RUBCN: variants seen among roughly 807,000 people sequenced by gnomAD.
RUBCN encodes the protein run domain Beclin-1-interacting and cysteine-rich domain-containing protein.
RUBCN carries 74 observed loss-of-function variants against 113.2 expected under a neutral mutation model. The observed-to-expected ratio is 0.65, with a 90% CI of 0.54 to 0.79. RUBCN has a LOEUF of 0.79. Among genes scored for constraint, RUBCN ranks in the 30% least tolerant of loss-of-function variants. RUBCN has a pLI of 0.00. For missense variants in RUBCN, 1,109 were observed against 1,251.7 expected (o/e 0.89, Z 1.72); for synonymous variants, 480 against 490.0 (o/e 0.98, Z 0.27).
chr3:197,704,500 A>G, intron 4 of RUBCN, 42 bp downstream of exon 4: 1 of 1,594,326 alleles, frequency 6.3e-7, no homozygotes, highest in South Asian at 1.1e-5. Context: ...GTGGGTGACA[A>G]CGAGGAAGCA....
At chr3:197,749,714 C>T (rs1000046794), upstream of RUBCN, 4 of 631,840 alleles carry the variant, frequency 6.3e-6, no homozygotes, top group South Asian at 1.5e-5. Flanking sequence ...CGGCGGTCCT[C>T]GCGAGCGCCT....
In RUBCN at chr3:197,717,250, T is replaced by C. The variant is rs183697337; in HGVS notation, c.219+727A>G. 3.9e-3 allele frequency among the ~76,000 whole-genome samples: 597 copies of C among 151,732 alleles called. 7 individuals carry two copies. The highest frequency in any genetic ancestry group is 4.7e-3 in the Non-Finnish European group (321 of 67,926). On this transcript the variant is annotated intron_variant, in intron 2 of 19. Transcript: ENST00000296343. ...GAGATTGAGACCACTGAGACCATCCTGGCTAACACGGTGAAACCCCGTCTC... is the reference window on the plus strand; with the variant it reads ...GAGATTGAGACCACTGAGACCATCCCGGCTAACACGGTGAAACCCCGTCTC...
intron 2 of RUBCN, among the ~76,000 whole-genome samples, chr3:197,706,255 G>C (rs1282577529): frequency 6.6e-6 from 1 of 152,178 alleles, no homozygotes; most frequent in African/African-American, 2.4e-5. Context: ...CGCTGGGACA[G>C]GCCTCAACAT....
At position 197,689,825 on chromosome 3, in the gene RUBCN, T is replaced by G. The variant is rs1722229298; in HGVS notation, c.1786+3890A>C. Among the ~76,000 whole-genome samples the G allele has an allele frequency of 2.0e-5, 3 of 152,228 alleles. No homozygotes were observed. In the South Asian group the frequency reaches 6.2e-4, roughly 31 times the overall value. ...ATCATTTCTCTGTGTTGGGAATACT[T>G]CGAATCTCTTCTAGCTATTTTGAAA... On this transcript the variant is annotated intron_variant, in intron 11 of 19. Transcript: ENST00000296343.
rs769477769 is a variant in RUBCN at position 197,681,328 on chromosome 3, T to C, written c.2231A>G (p.Lys744Arg). 2 of 1,614,114 alleles carry C rather than the reference T, an allele frequency of 1.2e-6. No individual in the cohort carries two copies. The highest frequency in any genetic ancestry group is 1.7e-6 in the Non-Finnish European group (2 of 1,179,958). Residue 744 changes from lysine (K) to arginine (R), a missense_variant, in exon 16 of 20, where the codon AAG becomes AGG. Coordinates refer to ENST00000296343, the MANE Select transcript of RUBCN (RefSeq NM_014687.4). The surrounding 1 kb of genome is among the most constrained non-coding windows in gnomAD (Gnocchi z 5.5). ...CTCGTGGCAGCACTGGCAGAAGTAC[T>C]TGCCCAGGTACTCACAGTACCGCAG... ...KRLRYCEYLG[K>R]YFCQCCHENA...
At chr3:197,718,826 C>CA (rs1725827186) in intron 1 of RUBCN, among the ~76,000 whole-genome samples, 1 of 152,096 alleles carries the variant, frequency 6.6e-6, no homozygotes, top group Admixed American at 6.6e-5. Context: ...TTTTGCCAAA[C>CA]AAAAAAGGCC....
chr3:197,739,088 C>G (rs1354035582), upstream of RUBCN, among the ~76,000 whole-genome samples: 1 of 151,202 alleles, frequency 6.6e-6, no homozygotes, highest in Admixed American at 6.6e-5. Flanking sequence ...TTACAGGCAT[C>G]CGCCACCACG....
At chr3:197,717,859 G>T in intron 2 of RUBCN, 118 bp downstream of exon 2, 2 of 1,080,226 alleles carry the variant, frequency 1.9e-6, no homozygotes, top group Admixed American at 3.7e-5. Flanking sequence ...AATGAATTAA[G>T]TCACAGCTGC....
chr3:197,675,335 C>T lies in RUBCN; in HGVS notation c.2740+87G>A. The stretch of plus-strand genomic sequence containing the variant: ...AGGCCCCGCGAGGTGCTGAGTGGCA[C>T]CGAACTCTTGCTAACAGGGGTGGCT... On this transcript the variant is annotated intron_variant, in intron 19 of 19. Coordinates refer to ENST00000296343, the MANE Select transcript of RUBCN (RefSeq NM_014687.4). This position sits in a 1 kb window ranked among gnomAD's most constrained non-coding sequence, Gnocchi z 4.4. 9.3e-6 allele frequency: 14 copies of T among 1,510,370 alleles called. No individual in the cohort carries two copies. The South Asian group carries it at 1.5e-4, about 16-fold the overall frequency. 93.6% of individuals were successfully genotyped at this position (1,510,370 alleles called of 1,614,324 possible).
intron 1 of RUBCN, among the ~76,000 whole-genome samples, chr3:197,731,699 G>A (rs1418068975): frequency 6.7e-6 from 1 of 149,614 alleles, no homozygotes; most frequent in Admixed American, 6.6e-5. Context: ...AGGGGCAGCC[G>A]GGCAGAGGCG....
Position 197,674,908 on chromosome 3 carries a change from TAAAAAAAAA to T in RUBCN, c.*101_*109del. 6.4e-6 allele frequency: 4 copies of T among 625,652 alleles called. No homozygotes were observed. Among genetic ancestry groups the T allele is most frequent in the Non-Finnish European group, 9.8e-6 (4 of 406,768 alleles). 38.8% of individuals were successfully genotyped at this position (625,652 alleles called of 1,614,324 possible). A position where few individuals can be genotyped will look rare whatever the true frequency, so the allele number is the denominator to read the frequency against. On this transcript the variant is annotated 3_prime_UTR_variant, in exon 20 of 20. Coordinates refer to ENST00000296343, the MANE Select transcript of RUBCN (RefSeq NM_014687.4). ...AAAAAAAAAAAAAGATGATGATAAT[TAAAAAAAAA>T]AAAAAAAAAAGAAGCCCCAGGTGGG... is the stretch of plus-strand genomic sequence containing the variant.
intron 11 of RUBCN, among the ~76,000 whole-genome samples, chr3:197,686,554 G>A (rs1398591194): frequency 6.6e-6 from 1 of 152,154 alleles, no homozygotes; most frequent in African/African-American, 2.4e-5. Context: ...ATCACTCTCT[G>A]GTCGGTTCAA....
At position 197,681,005 on chromosome 3, in the gene RUBCN, G is replaced by A. The variant is rs950196631; in HGVS notation, c.2430+124C>T. On this transcript the variant is annotated intron_variant, in intron 16 of 19. Coordinates refer to ENST00000296343, the MANE Select transcript of RUBCN (RefSeq NM_014687.4). The surrounding 1 kb of genome is among the most constrained non-coding windows in gnomAD (Gnocchi z 5.5). Reference sequence around the variant, plus strand: ...GGGAGGGGACAAGGAGAGGAGACGAGGGGAGGGGATGGGGGGAGGGGACAA... The same window carrying A: ...GGGAGGGGACAAGGAGAGGAGACGAAGGGAGGGGATGGGGGGAGGGGACAA... The A allele has an allele frequency of 9.3e-6, 6 of 646,808 alleles. No individual in the cohort carries two copies. The highest frequency in any genetic ancestry group is 1.9e-5 in the African/African-American group (1 of 52,968). The allele number at this position is 646,808 out of a possible 1,614,324, so 40.1% of individuals were successfully genotyped here.
chr3:197,716,072 G>A (rs1725477741), intron 2 of RUBCN, among the ~76,000 whole-genome samples: 1 of 152,154 alleles, frequency 6.6e-6, no homozygotes, highest in African/African-American at 2.4e-5. Context: ...CTAGACAAAA[G>A]GATTTCCCAC....
At chr3:197,715,749 G>A (rs75534586) in intron 2 of RUBCN, among the ~76,000 whole-genome samples, 15,023 of 152,142 alleles carry the variant, frequency 0.099, 857 homozygotes, top group Middle Eastern at 0.15. Flanking sequence ...TACTCGTGTC[G>A]TAGCTAACAT....
At position 197,681,484 on chromosome 3, in the gene RUBCN, C is replaced by T; in HGVS notation, c.2192-117G>A. On this transcript the variant is annotated intron_variant, in intron 15 of 19. Coordinates refer to ENST00000296343, the MANE Select transcript of RUBCN (RefSeq NM_014687.4). The surrounding 1 kb of genome is among the most constrained non-coding windows in gnomAD (Gnocchi z 5.5). The stretch of plus-strand genomic sequence containing the variant: ...GGGACAGCCAATGGCCTCCAGCAAC[C>T]TCTGTCTGAGTTCCCCAAAGCTTGC... 1.3e-6 allele frequency: 1 copy of T among 783,104 alleles called. No homozygotes were observed. 48.5% of individuals were successfully genotyped at this position (783,104 alleles called of 1,614,324 possible). A position where few individuals can be genotyped will look rare whatever the true frequency, so the allele number is the denominator to read the frequency against.
At chr3:197,709,479 C>T (rs892864040) in intron 2 of RUBCN, among the ~76,000 whole-genome samples, 6 of 152,150 alleles carry the variant, frequency 3.9e-5, no homozygotes, top group Admixed American at 3.9e-4. Flanking sequence ...CTACCAGATT[C>T]AAGCAATTCT....
intron 5 of RUBCN, among the ~76,000 whole-genome samples, chr3:197,703,179 A>G (rs1288669564): frequency 6.6e-6 from 1 of 151,932 alleles, no homozygotes; most frequent in African/African-American, 2.4e-5. Flanking sequence ...CGGGAGGATC[A>G]CGAGGTCAGG....
chr3:197,703,397 CAAAAAAAAAAAAAAAAA>C (rs1165064210), intron 5 of RUBCN, 134 bp downstream of exon 5: 6,268 of 155,642 alleles, frequency 0.04, 81 homozygotes, highest in Non-Finnish European at 0.052. Context: ...GACTCTGTCT[CAAAAAAAAAAAAAAAAA>C]AAAAAAAAAA....
Sources: gnomAD v4.1 joint callset for allele counts (sites outside exome capture counted in the v4.1 genomes callset) on GRCh38, gnomAD v4.1.1 for gene constraint, Gnocchi (gnomAD v3.1) non-coding constraint, MANE v1.5 for transcripts, NCBI Gene and HGNC (gene_info 2026-07-23, HGNC 2026-07-21) for gene names.